Variants in ADAMTS7 observed in about 807,000 individuals in gnomAD.
ADAMTS7 encodes the protein A disintegrin and metalloproteinase with thrombospondin motifs 7.
A neutral mutation model predicts 172.6 loss-of-function variants in ADAMTS7; 89 were observed. The observed-to-expected ratio is 0.52, with a 90% CI of 0.43 to 0.61. The LOEUF is 0.61. Ranked by LOEUF, ADAMTS7 falls within the 20% of genes least tolerant of loss-of-function variation. The pLI, the probability that ADAMTS7 is intolerant of heterozygous loss-of-function variation, is 0.00. For missense variants in ADAMTS7, 1,973 were observed against 2,355.6 expected (o/e 0.84, Z 3.36); for synonymous variants, 885 against 978.4 (o/e 0.90, Z 1.78).
chr15:78,798,142 G>T, intron 2 of ADAMTS7, 29 bp from the exon 3 acceptor site: 1 of 1,527,228 alleles, frequency 6.5e-7, no homozygotes, highest in Non-Finnish European at 8.7e-7. Context: ...GGTCACACAG[G>T]GAGGGCTGGC....
At chr15:78,770,785 T>G in intron 16 of ADAMTS7, 7 of 189,260 alleles carry the variant, frequency 3.7e-5, no homozygotes, top group East Asian at 1.4e-4. Flanking sequence ...GAGAGGGAAA[T>G]TTGGGGAGGA....
chr15:78,796,543 C>T lies in ADAMTS7; in HGVS notation c.819+47G>A, dbSNP rs750301028. On this transcript the variant is annotated intron_variant, in intron 4 of 23. Coordinates refer to ENST00000388820, the MANE Select transcript of ADAMTS7 (RefSeq NM_014272.5). ...CCTGCACCCACTCTTTGCACCCCAC[C>T]CCCCAACACCATCCCCGCCACCCGC... 10 of 1,567,986 alleles carry T rather than the reference C, an allele frequency of 6.4e-6. No homozygotes were observed. The South Asian group carries it at 1.2e-4, about 19-fold the overall frequency.
At chr15:78,780,388 AC>A (rs1468681523) in intron 8 of ADAMTS7, among the ~76,000 whole-genome samples, 4 of 151,844 alleles carry the variant, frequency 2.6e-5, no homozygotes, top group African/African-American at 4.8e-5. Flanking sequence ...TCCCCTGGCC[AC>A]CCCTGGCCAC....
chr15:78,769,525 G>A (rs2055212578), intron 16 of ADAMTS7, among the ~76,000 whole-genome samples: 2 of 152,222 alleles, frequency 1.3e-5, no homozygotes, highest in South Asian at 2.1e-4. Context: ...CCCTCGCTGG[G>A]AGTCAGCCCT....
intron 8 of ADAMTS7, among the ~76,000 whole-genome samples, chr15:78,787,199 C>A (rs1346242514): frequency 6.6e-6 from 1 of 152,014 alleles, no homozygotes; most frequent in Non-Finnish European, 1.5e-5. Context: ...GGAGTCAGCA[C>A]CCCTGACCCC....
chr15:78,771,496 A>G lies in ADAMTS7; in HGVS notation c.2376+89T>C. On this transcript the variant is annotated intron_variant, in intron 15 of 23. Coordinates refer to ENST00000388820, the MANE Select transcript of ADAMTS7 (RefSeq NM_014272.5). This position sits in a 1 kb window ranked among gnomAD's most constrained non-coding sequence, Gnocchi z 4.9. ...AGGCTCTGTGACTGAACCAGGGCTC[A>G]CTCCTCCAGGACGAGACCTGCCATG... The G allele has an allele frequency of 6.5e-7, 1 of 1,540,480 alleles. No individual in the cohort carries two copies. The highest frequency in any genetic ancestry group is 8.7e-7 in the Non-Finnish European group (1 of 1,146,850).
chr15:78,767,027 T>C lies in ADAMTS7; in HGVS notation c.2884A>G (p.Thr962Ala). The C allele has an allele frequency of 6.4e-7, 1 of 1,566,214 alleles. No individual in the cohort carries two copies. Among genetic ancestry groups the C allele is most frequent in the East Asian group, 2.2e-5 (1 of 44,562 alleles). Residue 962 changes from threonine to alanine, a missense_variant, in exon 19 of 24, where the codon ACT (threonine) becomes GCT (alanine). This residue lies in a region of ADAMTS7 where 771 missense variants were observed against 952.6 expected (regional missense o/e 0.81). Coordinates refer to ENST00000388820, the MANE Select transcript of ADAMTS7 (RefSeq NM_014272.5). ...GTGCAGAGGACATTTCGGCGCTGAGTGCCCTCCCCACATGTCACTGAGCAC... is the reference window on the plus strand; with the variant it reads ...GTGCAGAGGACATTTCGGCGCTGAGCGCCCTCCCCACATGTCACTGAGCAC... ...SQCSVTCGEG[T>A]QRRNVLCTND...
chr15:78,797,708 A>G (rs1433437201), intron 3 of ADAMTS7, among the ~76,000 whole-genome samples: 1 of 152,200 alleles, frequency 6.6e-6, no homozygotes, highest in Non-Finnish European at 1.5e-5. Context: ...TGGGAGAAGT[A>G]GGTGAGATGG....
chr15:78,807,354 C>T (rs1334909885), intron 1 of ADAMTS7, among the ~76,000 whole-genome samples: 1 of 152,200 alleles, frequency 6.6e-6, no homozygotes, highest in Admixed American at 6.5e-5. Flanking sequence ...CATGCCCCAG[C>T]GGATGTACAG....
intron 8 of ADAMTS7, among the ~76,000 whole-genome samples, chr15:78,783,417 C>T (rs374837777): frequency 1.5e-3 from 229 of 151,736 alleles, no homozygotes; most frequent in African/African-American, 5.5e-3. Flanking sequence ...TTACAGGCAC[C>T]AGCCACCAGG....
In ADAMTS7 at chr15:78,791,132, C is replaced by A; in HGVS notation, c.903+8G>T. On this transcript the variant is annotated splice_region_variant and intron_variant, in intron 5 of 23. Transcript: ENST00000388820. ...TGCCGGGCAGCGTGGGACCACATGA[C>A]CACTCACCTCCTCATCTTCCAGCAG... The A allele has an allele frequency of 6.2e-7, 1 of 1,611,882 alleles. No homozygotes were observed. The highest frequency in any genetic ancestry group is 1.1e-5 in the South Asian group (1 of 90,712).
In ADAMTS7 at chr15:78,763,824, C is replaced by T. The variant is rs377101323; in HGVS notation, c.4615G>A (p.Gly1539Ser). 37 of 1,581,714 alleles carry T rather than the reference C, an allele frequency of 2.3e-5. No homozygotes were observed. Among genetic ancestry groups the T allele is most frequent in the Non-Finnish European group, 3.4e-6 (4 of 1,166,466 alleles). Reference protein sequence around the residue: ...WRECSEACGGGEQQRLVTCPE... With the variant: ...WRECSEACGGSEQQRLVTCPE... ...CAGGTCACTAGACGCTGCTGCTCAC[C>T]ACCGCCACAGGCCTCGGAGCACTGG... The change falls in exon 22 of 24, where the codon GGT (glycine) becomes AGT (serine). Residue 1539 changes from glycine (G) to serine (S), a missense_variant. Physicochemically the swap from Gly to Ser is moderately conservative, Grantham distance 56. Around this residue, in one of 8 missense-constraint regions of ADAMTS7, gnomAD observed 218 missense variants for 216.9 expected, o/e 1.01. Transcript: ENST00000388820.
At chr15:78,777,054 G>T in intron 9 of ADAMTS7, 3 of 580,432 alleles carry the variant, frequency 5.2e-6, no homozygotes. Context: ...TGCTCAGAGC[G>T]GTCCCCAGCT....
At position 78,764,054 on chromosome 15, in the gene ADAMTS7, A is replaced by G. The variant is rs1160495914; in HGVS notation, c.4465T>C (p.Cys1489Arg). ...GGCCGGAGGTCCCGTGTGTCCACAC[A>G]CTGCACGTCCCGCACTGAGGAACCT... ...GGGSSVRDVQ[C>R]VDTRDLRPLR... The change falls in exon 21 of 24, where the codon TGT becomes CGT. Residue 1489 changes from cysteine to arginine, a missense_variant. Cys to Arg is a radical substitution (Grantham distance 180). Coordinates refer to ENST00000388820, the MANE Select transcript of ADAMTS7 (RefSeq NM_014272.5). 6 of 1,538,806 alleles carry G rather than the reference A, an allele frequency of 3.9e-6. No homozygotes were observed. The highest frequency in any genetic ancestry group is 2.4e-5 in the East Asian group (1 of 40,946).
In ADAMTS7 at chr15:78,768,113, G is replaced by A. The variant is rs1392682544; in HGVS notation, c.2645+20C>T. The A allele has an allele frequency of 1.3e-6, 2 of 1,537,824 alleles. No homozygotes were observed. The highest frequency in any genetic ancestry group is 2.8e-5 in the African/African-American group (2 of 72,316). Reference sequence around the variant, plus strand: ...CGGGGGATGGGGTGGGGAGTTGGCGGGGGATGGGGGCGGGCTCACCTGGCA... The same window carrying A: ...CGGGGGATGGGGTGGGGAGTTGGCGAGGGATGGGGGCGGGCTCACCTGGCA... On this transcript the variant is annotated intron_variant, in intron 17 of 23. Transcript: ENST00000388820.
chr15:78,802,897 T>C (rs1283237103), intron 1 of ADAMTS7, among the ~76,000 whole-genome samples: 1 of 152,036 alleles, frequency 6.6e-6, no homozygotes, highest in Non-Finnish European at 1.5e-5. Context: ...CTCAGGAGAC[T>C]GAGGCTGGAG....
At position 78,811,435 on chromosome 15, in the gene ADAMTS7, A is replaced by G; in HGVS notation, c.-215T>C. The G allele has an allele frequency of 2.6e-6, 1 of 385,136 alleles. No individual in the cohort carries two copies. The highest frequency in any genetic ancestry group is 4.4e-6 in the Non-Finnish European group (1 of 224,954). The allele number at this position is 385,136 out of a possible 1,614,324, so 23.9% of individuals were successfully genotyped here. On this transcript the variant is annotated 5_prime_UTR_variant, in exon 1 of 24. Coordinates refer to ENST00000388820, the MANE Select transcript of ADAMTS7 (RefSeq NM_014272.5). ...CCGCTGCAGAGGCAAAGAAAAGACA[A>G]GAGAGCTAGAAGGAGAGAAAGAAAG...
At chr15:78,788,524 T>G in intron 7 of ADAMTS7, 150 bp from the exon 8 acceptor site, 2 of 886,524 alleles carry the variant, frequency 2.3e-6, no homozygotes, top group Non-Finnish European at 3.4e-6. Context: ...GAAAGTCACA[T>G]TCCCCTCTCT....
intron 1 of ADAMTS7, among the ~76,000 whole-genome samples, chr15:78,804,873 A>G (rs1277159287): frequency 2.0e-5 from 3 of 152,214 alleles, no homozygotes; most frequent in African/African-American, 7.2e-5. Context: ...TCACTAAATC[A>G]GCATTTCCAG....
Sources: allele counts gnomAD v4.1 joint callset (sites outside exome capture counted in the v4.1 genomes callset), GRCh38; gene constraint gnomAD v4.1.1; regional missense constraint gnomAD v4.1.1; non-coding constraint Gnocchi (gnomAD v3.1); transcripts MANE v1.5; gene names NCBI Gene and HGNC (gene_info 2026-07-23, HGNC 2026-07-21).